PLA2G5: variants seen among roughly 807,000 people sequenced by gnomAD.
The protein encoded by PLA2G5 is Ca2+-dependent phospholipase A2.
A neutral mutation model predicts 15.9 loss-of-function variants in PLA2G5; 12 were observed. The observed-to-expected ratio is 0.76, with a 90% CI of 0.48 to 1.23. PLA2G5 has a LOEUF of 1.23. Among genes scored for constraint, PLA2G5 ranks in the 50% most tolerant of loss-of-function variants. The pLI is 0.00. For synonymous variants in PLA2G5, 71 were observed against 71.4 expected, an observed-to-expected ratio of 0.99 and a Z score of 0.03; for missense variants, 169 against 177.1, an observed-to-expected ratio of 0.95 and a Z score of 0.26.
chr1:20,067,929 G>A (rs1210587064), upstream of PLA2G5, among the ~76,000 whole-genome samples: 1 of 152,038 alleles, frequency 6.6e-6, no homozygotes, highest in Admixed American at 6.6e-5. Context: ...GACCAGCCTC[G>A]CCAACATGGT....
intron 1 of PLA2G5, among the ~76,000 whole-genome samples, chr1:20,034,685 T>C (rs749124199): frequency 1.6e-4 from 25 of 152,096 alleles, no homozygotes; most frequent in Non-Finnish European, 3.2e-4. Context: ...TGGAGAGTTA[T>C]TTTGACTGGG....
chr1:20,079,789 G>A (rs138485528), intron 1 of PLA2G5, among the ~76,000 whole-genome samples: 4 of 152,302 alleles, frequency 2.6e-5, no homozygotes, highest in African/African-American at 9.6e-5. Context: ...CAGATACTAA[G>A]TGGCTGAGCT....
chr1:20,073,473 G>T (rs2015493808), intron 1 of PLA2G5, among the ~76,000 whole-genome samples: 1 of 152,174 alleles, frequency 6.6e-6, no homozygotes, highest in South Asian at 2.1e-4. Flanking sequence ...ATCTTTACAG[G>T]AAGCTGCCAA....
At chr1:20,056,360 C>T (rs2014434293) in intron 1 of PLA2G5, among the ~76,000 whole-genome samples, 1 of 151,918 alleles carries the variant, frequency 6.6e-6, no homozygotes, top group African/African-American at 2.4e-5. Context: ...ATCCTAGGCT[C>T]AGTCTTTGGA....
chr1:20,060,347 A>G (rs1441014045), intron 2 of PLA2G5, among the ~76,000 whole-genome samples: 1 of 137,078 alleles, frequency 7.3e-6, no homozygotes, highest in African/African-American at 2.8e-5. Context: ...TCTGCCTCCC[A>G]GATTCAAGCG....
chr1:20,086,368 G>T, intron 3 of PLA2G5, 141 bp downstream of exon 3: 1 of 981,366 alleles, frequency 1.0e-6, no homozygotes, highest in Non-Finnish European at 1.5e-6. Flanking sequence ...GAAATTAGCT[G>T]GCAATCCCAA....
At chr1:20,043,909 G>A (rs2013752422) in intron 1 of PLA2G5, among the ~76,000 whole-genome samples, 1 of 152,198 alleles carries the variant, frequency 6.6e-6, no homozygotes, top group African/African-American at 2.4e-5. Context: ...CATGCGTGAT[G>A]GTCCAGGGGG....
intron 4 of PLA2G5, 46 bp downstream of exon 4, chr1:20,089,941 T>A (rs1199064112): frequency 7.2e-7 from 1 of 1,396,066 alleles, no homozygotes; most frequent in Non-Finnish European, 1.0e-6. Context: ...AGCACCTGAC[T>A]TTAAGTTCAG....
At chr1:20,056,568 C>G (rs1477839145) in intron 1 of PLA2G5, among the ~76,000 whole-genome samples, 1 of 152,040 alleles carries the variant, frequency 6.6e-6, no homozygotes, top group Non-Finnish European at 1.5e-5. Context: ...ATAAATCTGA[C>G]TTGGTTGTGG....
chr1:20,029,559 T>C (rs1329752028), intron 1 of PLA2G5, among the ~76,000 whole-genome samples: 1 of 152,046 alleles, frequency 6.6e-6, no homozygotes, highest in East Asian at 1.9e-4. Context: ...TCTTGGGAAA[T>C]GCAACATTTG....
chr1:20,046,910 C>A (rs1312026012), intron 1 of PLA2G5, among the ~76,000 whole-genome samples: 8 of 152,112 alleles, frequency 5.3e-5, no homozygotes, highest in East Asian at 1.9e-4. Flanking sequence ...CTTTTTCTCC[C>A]AAAATTAATC....
In PLA2G5 at chr1:20,091,302, T is replaced by C. The variant is rs2016552101; in HGVS notation, c.*610T>C. The C allele has an allele frequency of 6.6e-6, 1 of 152,324 alleles. No homozygotes were observed. The highest frequency in any genetic ancestry group is 2.4e-5 in the African/African-American group (1 of 41,454). 9.4% of individuals were successfully genotyped at this position (152,324 alleles called of 1,614,324 possible). On this transcript the variant is annotated 3_prime_UTR_variant, in exon 5 of 5. Coordinates refer to ENST00000375108, the MANE Select transcript of PLA2G5 (RefSeq NM_000929.3). ...TTAGTAAATGCAGGGTTTTCTGGGATGAGCTTCAGGCTTTCTCTTGGGCTA... is the reference window on the plus strand; with the variant it reads ...TTAGTAAATGCAGGGTTTTCTGGGACGAGCTTCAGGCTTTCTCTTGGGCTA...
At chr1:20,029,236 A>G (rs1557718491) in intron 1 of PLA2G5, among the ~76,000 whole-genome samples, 1 of 152,034 alleles carries the variant, frequency 6.6e-6, no homozygotes, top group Non-Finnish European at 1.5e-5. Flanking sequence ...CTCTCCTCTG[A>G]CTGCCCCCAC....
chr1:20,048,786 T>C (rs984657978), intron 1 of PLA2G5, among the ~76,000 whole-genome samples: 2 of 152,188 alleles, frequency 1.3e-5, no homozygotes. Context: ...ACAGTTTTCA[T>C]AAACAATCTA....
upstream of PLA2G5, among the ~76,000 whole-genome samples, chr1:20,066,771 C>T (rs563873141): frequency 5.9e-5 from 9 of 152,150 alleles, no homozygotes; most frequent in East Asian, 1.7e-3. Flanking sequence ...CTTTGGGAGG[C>T]AGAGGCAGGA....
Position 20,075,933 on chromosome 1 carries a change from G to A in PLA2G5, c.-11+5468G>A, listed in dbSNP as rs547958169. Among the ~76,000 whole-genome samples, 4 of 145,290 alleles carry A rather than the reference G, an allele frequency of 2.8e-5. No homozygotes were observed. The South Asian group carries it at 6.5e-4, about 24-fold the overall frequency. On this transcript the variant is annotated intron_variant, in intron 1 of 4. Coordinates refer to ENST00000375108, the MANE Select transcript of PLA2G5 (RefSeq NM_000929.3). ...GTCCCCCAGGATGGTGTGCAGTGGC[G>A]CAACCTCGGCTCACTGCAACCCCCG...
chr1:20,059,573 T>C (rs504583), intron 1 of PLA2G5: 75,125 of 152,082 alleles, frequency 0.49, 19,737 homozygotes, highest in African/African-American at 0.66. Flanking sequence ...GAAAGGATTA[T>C]TAACTGTGGA....
rs748054358 is a variant in PLA2G5 at position 20,090,637 on chromosome 1, A to T, written c.362A>T (p.Asn121Ile). 1 of 1,613,774 alleles carries T rather than the reference A, an allele frequency of 6.2e-7. No individual in the cohort carries two copies. Among genetic ancestry groups the T allele is most frequent in the Admixed American group, 1.7e-5 (1 of 59,988 alleles). The change falls in exon 5 of 5, where the codon AAC becomes ATC. Residue 121 changes from asparagine to isoleucine, a missense_variant. Physicochemically the swap from Asn to Ile is moderately radical, Grantham distance 149. Coordinates refer to ENST00000375108, the MANE Select transcript of PLA2G5 (RefSeq NM_000929.3). ...AAGCTCGTCTACTGCCTCAAGAGAAACCTACGGAGCTACAACCCACAGTAC... is the reference window on the plus strand; with the variant it reads ...AAGCTCGTCTACTGCCTCAAGAGAATCCTACGGAGCTACAACCCACAGTAC... ...DRKLVYCLKRNLRSYNPQYQY... is the reference protein window; with the variant it reads ...DRKLVYCLKRILRSYNPQYQY...
At chr1:20,090,536 A>G in intron 4 of PLA2G5, 32 bp from the exon 5 acceptor site, 1 of 1,612,600 alleles carries the variant, frequency 6.2e-7, no homozygotes, top group Non-Finnish European at 8.5e-7. Context: ...TGCTCTTCCC[A>G]CCCTCATTCT....
Sources: allele counts gnomAD v4.1 joint callset (sites outside exome capture counted in the v4.1 genomes callset), GRCh38; gene constraint gnomAD v4.1.1; transcripts MANE v1.5; gene names NCBI Gene and HGNC (gene_info 2026-07-23, HGNC 2026-07-21).